Variants in DNAAF5 observed in about 807,000 individuals in gnomAD.
The protein encoded by DNAAF5 is dynein axonemal assembly factor 5.
A neutral mutation model predicts 75.8 loss-of-function variants in DNAAF5; 64 were observed. The observed-to-expected ratio is 0.84, with a 90% CI of 0.69 to 1.04. The LOEUF (loss-of-function observed/expected upper bound fraction) is 1.04, where lower values mean the gene tolerates loss of function less well. Ranked by LOEUF, DNAAF5 falls within the 50% of genes least tolerant of loss-of-function variation. The probability of loss-of-function intolerance (pLI) is 0.00; values close to 1 mark genes in which losing one functional copy is unlikely to be tolerated. For missense variants in DNAAF5, 1,269 were observed against 1,178.5 expected (o/e 1.08, Z -1.12); for synonymous variants, 657 against 557.2 (o/e 1.18, Z -2.52).
Position 737,887 on chromosome 7 carries a change from A to C in DNAAF5, c.781-2932A>C, listed in dbSNP as rs148770460. Reference sequence around the variant, plus strand: ...GGGAGTTTGATTGTTAAATGTCTTGAGGTAGTTTTATTGGGTTAAATCTGG... The same window carrying C: ...GGGAGTTTGATTGTTAAATGTCTTGCGGTAGTTTTATTGGGTTAAATCTGG... On this transcript the variant is annotated intron_variant, in intron 2 of 12. Coordinates refer to ENST00000297440, the MANE Select transcript of DNAAF5 (RefSeq NM_017802.4). Among the ~76,000 whole-genome samples the C allele has an allele frequency of 6.0e-3, 906 of 152,172 alleles. 10 individuals are homozygous for C. Among genetic ancestry groups the C allele is most frequent in the African/African-American group, 0.02 (838 of 41,490 alleles).
At chr7:785,169 G>A (rs1562406497) in intron 12 of DNAAF5, among the ~76,000 whole-genome samples, 1 of 152,212 alleles carries the variant, frequency 6.6e-6, no homozygotes, top group East Asian at 1.9e-4. Flanking sequence ...CATTATGATC[G>A]CTGGACACCC....
rs113450580 is a variant in DNAAF5, at chr7:775,065, G to A, written c.2142G>A (p.Ser714=). Reference sequence around the variant, plus strand: ...TCCTGACCACCCTGGAGGAGGATTCGAAGATGACGCGACTGATCTCATGCC... The same window carrying A: ...TCCTGACCACCCTGGAGGAGGATTCAAAGATGACGCGACTGATCTCATGCC... ...PQVLTTLEED[S]KMTRLISCRI... Residue 714 remains serine (S), a synonymous_variant, in exon 11 of 13, where the codon TCG becomes TCA. Coordinates refer to ENST00000297440, the MANE Select transcript of DNAAF5 (RefSeq NM_017802.4). 64 of 1,614,076 alleles carry A rather than the reference G, an allele frequency of 4.0e-5. 1 individual carries two copies. The highest frequency in any genetic ancestry group is 3.6e-4 in the African/African-American group (27 of 75,014).
chr7:751,116 A>G (rs956071960), intron 4 of DNAAF5, among the ~76,000 whole-genome samples: 2 of 152,058 alleles, frequency 1.3e-5, no homozygotes, highest in Non-Finnish European at 2.9e-5. Context: ...GCACCATTGC[A>G]CTCCAGCCTG....
intron 10 of DNAAF5, among the ~76,000 whole-genome samples, chr7:774,804 A>G (rs1401026216): frequency 6.6e-6 from 1 of 152,214 alleles, no homozygotes; most frequent in African/African-American, 2.4e-5. Flanking sequence ...AGTTGTGAAC[A>G]GTGTGCGTAT....
At chr7:748,647 G>A (rs62432224) in intron 4 of DNAAF5, among the ~76,000 whole-genome samples, 119,670 of 151,598 alleles carry the variant, frequency 0.79, 47,433 homozygotes, top group South Asian at 0.86. Context: ...CTACCACAGT[G>A]GAGGTGCTCC....
At chr7:751,036 C>G (rs556262079) in intron 4 of DNAAF5, 1 of 152,392 alleles carries the variant, frequency 6.6e-6, no homozygotes, top group Admixed American at 6.5e-5. Flanking sequence ...ACCAGCTACT[C>G]AGGAGGCTGA....
chr7:778,135 T>G (rs1433648827), intron 11 of DNAAF5: 2 of 152,214 alleles, frequency 1.3e-5, no homozygotes, highest in African/African-American at 4.8e-5. Flanking sequence ...TTTTTATTCT[T>G]TAGTAACAAA....
intron 12 of DNAAF5, among the ~76,000 whole-genome samples, chr7:780,731 C>T (rs992113625): frequency 6.6e-6 from 1 of 152,204 alleles, no homozygotes; most frequent in East Asian, 1.9e-4. Context: ...CAGCACAGGG[C>T]CTGAGGCCAC....
In DNAAF5 at chr7:740,814, C is replaced by G. The variant is rs756800404; in HGVS notation, c.781-5C>G. 3.1e-6 allele frequency: 5 copies of G among 1,613,512 alleles called. No individual in the cohort carries two copies. The highest frequency in any genetic ancestry group is 4.2e-6 in the Non-Finnish European group (5 of 1,180,000). On this transcript the variant is annotated splice_polypyrimidine_tract_variant and splice_region_variant and intron_variant, in intron 2 of 12. Transcript: ENST00000297440. ...CGAATCCTTATCCCTTCCTCTCATG[C>G]GCAGGTCCGGCGGGCGGTGGCCTCC... is the stretch of plus-strand genomic sequence containing the variant.
At chr7:776,859 C>T (rs572607165) in intron 11 of DNAAF5, among the ~76,000 whole-genome samples, 3 of 152,326 alleles carry the variant, frequency 2.0e-5, no homozygotes, top group East Asian at 3.9e-4. Flanking sequence ...GAGAGGTGGG[C>T]AAGCGAAACT....
At chr7:729,615 A>T in intron 1 of DNAAF5, 48 bp from the exon 2 acceptor site, 1 of 1,572,184 alleles carries the variant, frequency 6.4e-7, no homozygotes, top group African/African-American at 1.4e-5. Flanking sequence ...GAGCTGGGCG[A>T]GGCGTGTGGG....
At chr7:770,855 C>A in intron 9 of DNAAF5, 1 of 481,440 alleles carries the variant, frequency 2.1e-6, no homozygotes, top group Non-Finnish European at 3.8e-6. Context: ...CTCCCTCCCC[C>A]ACAGCACTCT....
intron 12 of DNAAF5, 45 bp downstream of exon 12, chr7:780,189 G>A (rs770358065): frequency 6.4e-7 from 1 of 1,570,462 alleles, no homozygotes; most frequent in Admixed American, 1.7e-5. Context: ...CCTGCTTTCG[G>A]CGCCTGCCAC....
rs757918335 is a variant in DNAAF5 at position 763,786 on chromosome 7, C to G, written c.1615-20C>G. On this transcript the variant is annotated intron_variant, in intron 7 of 12. Coordinates refer to ENST00000297440, the MANE Select transcript of DNAAF5 (RefSeq NM_017802.4). ...CCCTGAGTGTTGGAATTGTCTCAGT[C>G]TCTGACTTGTAACCTCCAGGCACAG... 1 of 1,611,880 alleles carries G rather than the reference C, an allele frequency of 6.2e-7. No homozygotes were observed. The highest frequency in any genetic ancestry group is 1.7e-5 in the Admixed American group (1 of 59,962).
rs757175113 is a variant in DNAAF5, at chr7:780,048, G to A, written c.2335G>A (p.Ala779Thr). The A allele has an allele frequency of 1.2e-5, 20 of 1,614,076 alleles. No individual in the cohort carries two copies. The Middle Eastern group carries it at 4.9e-4, about 40-fold the overall frequency. ...TWLQCVKGAN[A>T]KSYYQSSVQY... ...GCTGCAGTGTGTCAAGGGTGCCAAC[G>A]CAAAATCCTACTATCAGAGCAGTGT... is the stretch of plus-strand genomic sequence containing the variant. Residue 779 changes from alanine to threonine, a missense_variant, in exon 12 of 13, where the codon GCA (alanine) becomes ACA (threonine). Ala to Thr is a moderately conservative substitution (Grantham distance 58). Coordinates refer to ENST00000297440, the MANE Select transcript of DNAAF5 (RefSeq NM_017802.4).
rs553759736 is a variant in DNAAF5, at chr7:753,960, CTCTCTCA to C, written c.1025-626_1025-620del. Reference sequence around the variant, plus strand: ...TATGGGGACGGCTTCGCAGGCGTGTCTCTCTCATCATATGGCGATGGCTTCGCAGGCG... The same window carrying C: ...TATGGGGACGGCTTCGCAGGCGTGTCTCATATGGCGATGGCTTCGCAGGCG... On this transcript the variant is annotated intron_variant, in intron 4 of 12. Coordinates refer to ENST00000297440, the MANE Select transcript of DNAAF5 (RefSeq NM_017802.4). 1.9e-3 allele frequency among the ~76,000 whole-genome samples: 280 copies of C among 146,094 alleles called. 1 individual carries two copies. Among genetic ancestry groups the C allele is most frequent in the South Asian group, 7.3e-3 (33 of 4,524 alleles).
chr7:747,206 A>G (rs1175827069), intron 4 of DNAAF5, among the ~76,000 whole-genome samples: 1 of 152,190 alleles, frequency 6.6e-6, no homozygotes, highest in Non-Finnish European at 1.5e-5. Flanking sequence ...ACTGTTTTCC[A>G]CACCCTTCGC....
intron 1 of DNAAF5, 31 bp downstream of exon 1, chr7:727,346 C>T: frequency 8.5e-7 from 1 of 1,173,970 alleles, no homozygotes; most frequent in Non-Finnish European, 1.1e-6. Flanking sequence ...TCCCACACGC[C>T]ACCCCACACT....
At chr7:782,072 TC>T (rs1364291894) in intron 12 of DNAAF5, among the ~76,000 whole-genome samples, 2 of 152,346 alleles carry the variant, frequency 1.3e-5, no homozygotes, top group East Asian at 3.9e-4. Flanking sequence ...GCGTCCGGTT[TC>T]CCGGCGTGGC....
Sources: allele counts gnomAD v4.1 joint callset (sites outside exome capture counted in the v4.1 genomes callset), GRCh38; gene constraint gnomAD v4.1.1; transcripts MANE v1.5; gene names NCBI Gene and HGNC (gene_info 2026-07-23, HGNC 2026-07-21).